Variants in CA2 observed in about 807,000 individuals in gnomAD.
CA2 encodes the protein carbonic anhydrase 2, also known as carbonate dehydratase II.
Under a neutral mutation model 27.8 loss-of-function variants are expected in CA2, and 23 were observed. That is an observed-to-expected ratio of 0.83 (90% CI 0.59 to 1.17). CA2 has a LOEUF of 1.17. CA2 is among the 50% of genes most tolerant of loss of function. The probability of loss-of-function intolerance (pLI) is 0.00; values close to 1 mark genes in which losing one functional copy is unlikely to be tolerated. For synonymous variants in CA2, 99 were observed against 114.9 expected (o/e 0.86, Z 0.88); for missense variants, 300 against 314.7 (o/e 0.95, Z 0.35).
In CA2 at chr8:85,465,397, G is replaced by A; in HGVS notation, c.160G>A (p.Ala54Thr). Residue 54 changes from alanine to threonine, a missense_variant, in exon 2 of 7, where the codon GCA (alanine) becomes ACA (threonine). By Grantham distance (58) the Ala-to-Thr change is moderately conservative (BLOSUM62 0). This residue lies in a region of CA2 where 122 missense variants were observed against 133.2 expected (regional missense o/e 0.92). Transcript: ENST00000285379. ...LKPLSVSYDQ[A>T]TSLRILNNGH... ...GCCCCTGTCTGTTTCCTATGATCAA[G>A]CAACTTCCCTGAGGATCCTCAACAA... 1 of 1,614,172 alleles carries A rather than the reference G, an allele frequency of 6.2e-7. No homozygotes were observed. Among genetic ancestry groups the A allele is most frequent in the African/African-American group, 1.3e-5 (1 of 75,040 alleles).
rs758411873 is a variant in CA2 at position 85,473,825 on chromosome 8, T to C, written c.351+14T>C. 2 of 1,343,868 alleles carry C rather than the reference T, an allele frequency of 1.5e-6. No homozygotes were observed. The highest frequency in any genetic ancestry group is 1.8e-4 in the Middle Eastern group (1 of 5,412). 83.2% of individuals were successfully genotyped at this position (1,343,868 alleles called of 1,614,324 possible). ...TATGCTGCAGAAGTAAGATATACTT[T>C]TTTTTTTCTTTCCAGGGAAAAATGT... On this transcript the variant is annotated intron_variant, in intron 3 of 6. Transcript: ENST00000285379.
At chr8:85,477,393 TG>T in intron 6 of CA2, 118 bp downstream of exon 6, 1 of 1,133,866 alleles carries the variant, frequency 8.8e-7, no homozygotes, top group Non-Finnish European at 1.3e-6. Flanking sequence ...CTTCTTGCTA[TG>T]GAAATAGTGC....
chr8:85,474,000 T>C, intron 3 of CA2, 189 bp downstream of exon 3: 1 of 617,764 alleles, frequency 1.6e-6, no homozygotes, highest in Non-Finnish European at 2.9e-6. Flanking sequence ...AAACTTTCTC[T>C]ACTGTCTCCA....
intron 6 of CA2, among the ~76,000 whole-genome samples, chr8:85,477,566 T>C (rs1811823089): frequency 6.6e-6 from 1 of 151,152 alleles, no homozygotes; most frequent in African/African-American, 2.4e-5. Context: ...TTGCCAGTTA[T>C]GAGGAAACTA....
chr8:85,474,637 A>G, intron 4 of CA2: 2 of 558,902 alleles, frequency 3.6e-6, no homozygotes, highest in East Asian at 3.2e-5. Flanking sequence ...TTTTGGATGT[A>G]AATGTGAAGA....
chr8:85,466,484 G>A (rs552099060), intron 2 of CA2, among the ~76,000 whole-genome samples: 9 of 152,104 alleles, frequency 5.9e-5, no homozygotes, highest in African/African-American at 2.2e-4. Flanking sequence ...ATCCTATATA[G>A]TCAACTTGGT....
chr8:85,474,310 C>T lies in CA2; in HGVS notation c.352-14C>T, dbSNP rs1235886847. 4 of 1,602,802 alleles carry T rather than the reference C, an allele frequency of 2.5e-6. No homozygotes were observed. Among genetic ancestry groups the T allele is most frequent in the Non-Finnish European group, 3.4e-6 (4 of 1,169,688 alleles). ...TGTAAATCACTCACTGTGGCTTTGT[C>T]TCTTCGGCCTTAGCTTCACTTGGTT... is the stretch of plus-strand genomic sequence containing the variant. On this transcript the variant is annotated splice_polypyrimidine_tract_variant and intron_variant, in intron 3 of 6. Transcript: ENST00000285379.
chr8:85,480,220 T>C (rs1811866654), intron 6 of CA2, among the ~76,000 whole-genome samples: 1 of 152,184 alleles, frequency 6.6e-6, no homozygotes, highest in Non-Finnish European at 1.5e-5. Context: ...TGGCCATTGA[T>C]GCACAGCACT....
At chr8:85,470,398 A>G (rs1811697913) in intron 2 of CA2, among the ~76,000 whole-genome samples, 1 of 152,202 alleles carries the variant, frequency 6.6e-6, no homozygotes, top group Non-Finnish European at 1.5e-5. Flanking sequence ...TTGCTTTATT[A>G]GTAGGAAATC....
chr8:85,464,855 G>A (rs1278823535), intron 1 of CA2: 1 of 179,568 alleles, frequency 5.6e-6, no homozygotes, highest in Non-Finnish European at 1.2e-5. Context: ...GGGTGGGCCC[G>A]GGCCTGGGCA....
rs758481802 is a variant in CA2, at chr8:85,465,247, G to A, written c.35-25G>A. The A allele has an allele frequency of 3.8e-5, 60 of 1,592,970 alleles. No homozygotes were observed. The Middle Eastern group carries it at 5.1e-4, about 13-fold the overall frequency. ...GGGTGTACCTTTCCCCACAATGGGG[G>A]ATTCACATGTCTTCTTTCCCCCAGG... On this transcript the variant is annotated intron_variant, in intron 1 of 6. Transcript: ENST00000285379.
At position 85,465,331 on chromosome 8, in the gene CA2, G is replaced by C. The variant is rs1339603459; in HGVS notation, c.94G>C (p.Asp32His). 1 of 1,614,144 alleles carries C rather than the reference G, an allele frequency of 6.2e-7. No homozygotes were observed. The highest frequency in any genetic ancestry group is 1.7e-5 in the Admixed American group (1 of 60,016). The change falls in exon 2 of 7, where the codon GAC becomes CAC. Residue 32 changes from aspartate (D) to histidine (H), a missense_variant. By Grantham distance (81) the Asp-to-His change is moderately conservative (BLOSUM62 -1). Transcript: ENST00000285379. Reference protein sequence around the residue: ...IAKGERQSPVDIDTHTAKYDP... With the variant: ...IAKGERQSPVHIDTHTAKYDP... ...CAAGGGAGAGCGCCAGTCCCCTGTT[G>C]ACATCGACACTCATACAGCCAAGTA...
intron 2 of CA2, among the ~76,000 whole-genome samples, chr8:85,471,621 G>C (rs1811714001): frequency 6.6e-6 from 1 of 152,022 alleles, no homozygotes; most frequent in African/African-American, 2.4e-5. Context: ...CAGATTCTTA[G>C]TATGGTTTTA....
chr8:85,474,698 T>G (rs925271457), intron 4 of CA2: 20 of 432,186 alleles, frequency 4.6e-5, no homozygotes, highest in Non-Finnish European at 8.6e-5. Flanking sequence ...TGTTTTCTTT[T>G]CATTTAACCT....
chr8:85,476,638 G>A (rs1291996150), intron 5 of CA2, among the ~76,000 whole-genome samples: 3 of 152,084 alleles, frequency 2.0e-5, no homozygotes, highest in African/African-American at 7.2e-5. Flanking sequence ...CCACCACCTT[G>A]TCATTCTTCC....
intron 1 of CA2, chr8:85,464,549 A>AC (rs1412603472): frequency 1.2e-3 from 37 of 30,870 alleles, no homozygotes; most frequent in Non-Finnish European, 9.3e-4. Context: ...CCCACCTTCC[A>AC]CCCCCACCCC....
rs1053089088 is a variant in CA2, at chr8:85,464,227, C to A, written c.34+112C>A. The A allele has an allele frequency of 3.9e-6, 4 of 1,023,848 alleles. 1 individual carries two copies. The highest frequency in any genetic ancestry group is 6.1e-5 in the East Asian group (2 of 32,856). The allele number at this position is 1,023,848 out of a possible 1,614,324, so 63.4% of individuals were successfully genotyped here. Reference sequence around the variant, plus strand: ...CCGCAGCGCCCGCACATGCTGTTTACCGCGGCCGCGGGGAGTGCTGGAGGC... The same window carrying A: ...CCGCAGCGCCCGCACATGCTGTTTAACGCGGCCGCGGGGAGTGCTGGAGGC... On this transcript the variant is annotated intron_variant, in intron 1 of 6. Transcript: ENST00000285379.
chr8:85,480,692 A>G lies in CA2; in HGVS notation c.686A>G (p.Asn229Ser). The stretch of plus-strand genomic sequence containing the variant: ...TAGGTGTTGAAATTCCGTAAACTTA[A>G]CTTCAATGGGGAGGGTGAACCCGAA... ...SEQVLKFRKL[N>S]FNGEGEPEEL... is the part of the protein sequence containing the mutation. The change falls in exon 7 of 7, where the codon AAC becomes AGC. Residue 229 changes from asparagine to serine, a missense_variant. This residue lies in a region of CA2 where 173 missense variants were observed against 161.0 expected (regional missense o/e 1.07). Transcript: ENST00000285379. 6.2e-7 allele frequency: 1 copy of G among 1,613,686 alleles called. No homozygotes were observed. The highest frequency in any genetic ancestry group is 8.5e-7 in the Non-Finnish European group (1 of 1,179,640).
In CA2 at chr8:85,479,630, C is replaced by A. The variant is rs542248677; in HGVS notation, c.664-1040C>A. Among the ~76,000 whole-genome samples, 24 of 152,196 alleles carry A rather than the reference C, an allele frequency of 1.6e-4. No homozygotes were observed. In the South Asian group the frequency reaches 4.8e-3, roughly 30 times the overall value. ...GACTGTTCAACAGCTGCCTGTATCT[C>A]AGTGGTGGCCAGTAAACTGAAACAA... On this transcript the variant is annotated intron_variant, in intron 6 of 6. Transcript: ENST00000285379.
Sources: gnomAD v4.1 joint callset for allele counts (sites outside exome capture counted in the v4.1 genomes callset) on GRCh38, gnomAD v4.1.1 for gene constraint, gnomAD v4.1.1 regional missense constraint, MANE v1.5 for transcripts, NCBI Gene and HGNC (gene_info 2026-07-23, HGNC 2026-07-21) for gene names.